The following BCOR variants were observed in gnomAD, a reference collection of about 807,000 sequenced individuals.
The protein encoded by BCOR is BCL-6 corepressor.
BCOR carries 10 observed loss-of-function variants against 86.7 expected under a neutral mutation model. The observed-to-expected ratio is 0.12, with a 90% CI of 0.07 to 0.20. The LOEUF is 0.20. Among genes scored for constraint, BCOR ranks in the 10% least tolerant of loss-of-function variants. The pLI, the probability that BCOR is intolerant of heterozygous loss-of-function variation, is 1.00. For synonymous variants in BCOR, 611 were observed against 609.0 expected (o/e 1.00, Z -0.05); for missense variants, 1,259 against 1,452.1 (o/e 0.87, Z 2.16).
chrX:40,103,075 C>A (rs932361295), intron 1 of BCOR, among the ~76,000 whole-genome samples: 3 of 106,039 alleles, frequency 2.8e-5, no homozygotes, highest in Non-Finnish European at 5.7e-5. Context: ...AGCCGCGCAG[C>A]CCCCGGCCCT....
chrX:40,145,289 G>A (rs1053474435), intron 1 of BCOR, among the ~76,000 whole-genome samples: 1 of 111,598 alleles, frequency 9.0e-6, no homozygotes, highest in Non-Finnish European at 1.9e-5. Context: ...GCGCGAACCC[G>A]CGGCGCCCGG....
rs370460678 is a variant in BCOR, at chrX:40,070,931, G to C, written c.3238+42C>G. On this transcript the variant is annotated intron_variant, in intron 6 of 14. Transcript: ENST00000378444. Reference sequence around the variant, plus strand: ...CCATTTCTCCAAGCAGATGCCAACCGGACCTGAGGCCAACACAAGCAAACT... The same window carrying C: ...CCATTTCTCCAAGCAGATGCCAACCCGACCTGAGGCCAACACAAGCAAACT... 3 of 1,174,390 alleles carry C rather than the reference G, an allele frequency of 2.6e-6. No individual in the cohort carries two copies. In the East Asian group the frequency reaches 8.9e-5, roughly 35 times the overall value.
At position 40,149,157 on chromosome X, in the gene BCOR, T is replaced by TGCTCC. The variant is rs759517750; in HGVS notation, c.-41+27845_-41+27849dup. 6.4e-5 allele frequency among the ~76,000 whole-genome samples: 7 copies of TGCTCC among 109,183 alleles called. No individual in the cohort carries two copies. In the South Asian group the frequency reaches 2.0e-3, roughly 31 times the overall value. 94.8% of individuals were successfully genotyped at this position (109,183 alleles called of 115,157 possible). ...TTCAGAGATCTCGTATCCTCTGCTC[T>TGCTCC]GCTCCGCTCCGCTCAGCTCTCTTCT... On this transcript the variant is annotated intron_variant, in intron 1 of 14. Transcript: ENST00000342274.
intron 1 of BCOR, among the ~76,000 whole-genome samples, chrX:40,152,825 T>TC (rs1000752909): frequency 8.9e-6 from 1 of 112,210 alleles, no homozygotes; most frequent in African/African-American, 3.2e-5. Flanking sequence ...ACACAAAACT[T>TC]CTTTTTGAAT....
rs1569142538 is a variant in BCOR at position 40,057,227 on chromosome X, C to G, written c.4523G>C (p.Gly1508Ala). 1 of 1,211,962 alleles carries G rather than the reference C, an allele frequency of 8.3e-7. No individual in the cohort carries two copies. Among genetic ancestry groups the G allele is most frequent in the Middle Eastern group, 2.3e-4 (1 of 4,318 alleles). ...GAGGTGTCGCACAATGTTGAGCCAG[C>G]CCCTAGCACAAGCTTCATGCAGGGC... Reference protein sequence around the residue: ...YCALHEACARGWLNIVRHLLE... With the variant: ...YCALHEACARAWLNIVRHLLE... Residue 1508 changes from glycine (G) to alanine (A), a missense_variant, in exon 11 of 15, where the codon GGC (glycine) becomes GCC (alanine). By Grantham distance (60) the Gly-to-Ala change is moderately conservative. Coordinates refer to ENST00000378444, the MANE Select transcript of BCOR (RefSeq NM_001123385.2).
intron 1 of BCOR, among the ~76,000 whole-genome samples, chrX:40,175,977 G>A (rs1938740021): frequency 8.9e-6 from 1 of 112,820 alleles, no homozygotes; most frequent in Non-Finnish European, 1.9e-5. Flanking sequence ...ACTACGGGAG[G>A]GAGAGTACAT....
Position 40,086,142 on chromosome X carries a change from C to A in BCOR, c.-40-8173G>T, listed in dbSNP as rs1444885466. ...CCTCCCTTCCCCCCAAAATACACCC[C>A]CCTTAGGGTACTGAACCTGCACACT... On this transcript the variant is annotated intron_variant, in intron 1 of 14. Coordinates refer to ENST00000378444, the MANE Select transcript of BCOR (RefSeq NM_001123385.2). Among the ~76,000 whole-genome samples the A allele has an allele frequency of 2.7e-5, 3 of 109,248 alleles. No homozygotes were observed. In the Admixed American group the frequency reaches 2.9e-4, roughly 11 times the overall value. The allele number at this position is 109,248 out of a possible 115,157, so 94.9% of individuals were successfully genotyped here. A position where few individuals can be genotyped will look rare whatever the true frequency, so the allele number is the denominator to read the frequency against.
chrX:40,137,751 G>A (rs1447060376), intron 1 of BCOR, among the ~76,000 whole-genome samples: 2 of 110,931 alleles, frequency 1.8e-5, no homozygotes, highest in East Asian at 5.7e-4. Context: ...GGTTTCTGGG[G>A]TTGCACCTAC....
Position 40,149,470 on chromosome X carries a change from G to A in BCOR, c.-41+27537C>T, listed in dbSNP as rs113799693. On this transcript the variant is annotated intron_variant, in intron 1 of 14. Transcript: ENST00000342274. Reference sequence around the variant, plus strand: ...TCAGCCAAGCTGAGCCCAGCGCCAGGGGAAGTGAGGAGTAGTGGATGCATC... The same window carrying A: ...TCAGCCAAGCTGAGCCCAGCGCCAGAGGAAGTGAGGAGTAGTGGATGCATC... 7.6e-4 allele frequency among the ~76,000 whole-genome samples: 85 copies of A among 111,177 alleles called. 1 individual carries two copies. The highest frequency in any genetic ancestry group is 2.7e-3 in the African/African-American group (82 of 30,585).
intron 1 of BCOR, among the ~76,000 whole-genome samples, chrX:40,137,499 T>C (rs1937706752): frequency 9.1e-6 from 1 of 109,679 alleles, no homozygotes; most frequent in African/African-American, 3.4e-5. Context: ...AGTGAGCCGA[T>C]ATGGAGCTAT....
At position 40,062,773 on chromosome X, in the gene BCOR, T is replaced by C; in HGVS notation, c.4146A>G (p.Glu1382=). ...TGCCATCGGCATTCTCCACGTAGTA[T>C]TCCCCTGTCAGTGGCAATCCCCGCC... ...ESRRGLPLTG[E]YYVENADGKV... Residue 1382 remains glutamate (E), a synonymous_variant, in exon 9 of 15, where the codon GAA becomes GAG. Transcript: ENST00000378444. 1.7e-6 allele frequency: 2 copies of C among 1,211,381 alleles called. No homozygotes were observed. The highest frequency in any genetic ancestry group is 1.8e-5 in the South Asian group (1 of 56,906).
chrX:40,173,200 A>G (rs1938668195), intron 1 of BCOR, among the ~76,000 whole-genome samples: 1 of 111,814 alleles, frequency 8.9e-6, no homozygotes, highest in African/African-American at 3.3e-5. Context: ...TCTCTGGTCA[A>G]TCCAGGCCCT....
chrX:40,108,456 G>A (rs951324536), intron 1 of BCOR, among the ~76,000 whole-genome samples: 3 of 113,628 alleles, frequency 2.6e-5, no homozygotes, highest in African/African-American at 9.6e-5. Context: ...GGAGGGAGCG[G>A]CGGCCAGAGC....
At chrX:40,096,760 A>C (rs1007466982) in intron 1 of BCOR, among the ~76,000 whole-genome samples, 2 of 112,182 alleles carry the variant, frequency 1.8e-5, no homozygotes, top group African/African-American at 6.5e-5. Flanking sequence ...GTCGAAAAAG[A>C]AAGCAGACGG....
At chrX:40,116,890 C>T (rs1429371973) in intron 1 of BCOR, among the ~76,000 whole-genome samples, 1 of 112,300 alleles carries the variant, frequency 8.9e-6, no homozygotes, top group Non-Finnish European at 1.9e-5. Flanking sequence ...TAAGCAGAAG[C>T]TATGGATGAT....
At chrX:40,107,949 C>T (rs1013831337) in intron 1 of BCOR, among the ~76,000 whole-genome samples, 66 of 113,377 alleles carry the variant, frequency 5.8e-4, no homozygotes, top group African/African-American at 1.9e-3. Context: ...ATTGTCGGAG[C>T]GGTTTGATTT....
chrX:40,145,934 C>T (rs1430445692), intron 1 of BCOR, among the ~76,000 whole-genome samples: 1 of 111,849 alleles, frequency 8.9e-6, no homozygotes, highest in Non-Finnish European at 1.9e-5. Flanking sequence ...CGGCTATGCT[C>T]AAGTTCCCTG....
chrX:40,109,319 C>T (rs1937256071), intron 1 of BCOR, among the ~76,000 whole-genome samples: 1 of 110,636 alleles, frequency 9.0e-6, no homozygotes, highest in Admixed American at 9.4e-5. Context: ...CTCGGGGACC[C>T]GCGCAGCCGA....
intron 14 of BCOR, among the ~76,000 whole-genome samples, 181 bp from the exon 15 acceptor site, chrX:40,052,581 TGG>T (rs1934374014): frequency 3.4e-5 from 2 of 58,143 alleles, no homozygotes; most frequent in African/African-American, 9.6e-5. Context: ...TTTTTTTTTT[TGG>T]AGACGGAATC....
Sources: gnomAD v4.1 joint callset for allele counts (sites outside exome capture counted in the v4.1 genomes callset) on GRCh38, gnomAD v4.1.1 for gene constraint, MANE v1.5 for transcripts, NCBI Gene and HGNC (gene_info 2026-07-23, HGNC 2026-07-21) for gene names.